PRSS12: variants seen among roughly 807,000 people sequenced by gnomAD.
PRSS12 encodes neurotrypsin.
A neutral mutation model predicts 104.4 loss-of-function variants in PRSS12; 85 were observed. That is an observed-to-expected ratio of 0.81 (90% confidence interval 0.68 to 0.98). PRSS12 has a LOEUF of 0.98. Among genes scored for constraint, PRSS12 ranks in the 50% least tolerant of loss-of-function variants. The pLI is 0.00. For synonymous variants in PRSS12, 454 were observed against 425.2 expected, an observed-to-expected ratio of 1.07 and a Z score of -0.83; for missense variants, 1,141 against 1,139.2, an observed-to-expected ratio of 1.00 and a Z score of -0.02.
chr4:118,286,211 A>T (rs758493357), intron 11 of PRSS12, among the ~76,000 whole-genome samples: 4 of 152,102 alleles, frequency 2.6e-5, no homozygotes, highest in Non-Finnish European at 4.4e-5. Flanking sequence ...GTACCCTTCA[A>T]GGGATCCCCA....
In PRSS12 at chr4:118,318,608, C is replaced by T. The variant is rs1033840034; in HGVS notation, c.972-52G>A. 14 of 1,553,544 alleles carry T rather than the reference C, an allele frequency of 9.0e-6. No homozygotes were observed. The African/African-American group carries it at 1.9e-4, about 21-fold the overall frequency. ...TCTGGATTAGATACCAAAGATTGGT[C>T]TTTTATTTTTTTTTTGTCCCTAGTA... On this transcript the variant is annotated intron_variant, in intron 4 of 12. Transcript: ENST00000296498.
At chr4:118,313,536 C>A (rs1233254055) in intron 6 of PRSS12, 139 bp from the exon 7 acceptor site, 2 of 924,112 alleles carry the variant, frequency 2.2e-6, no homozygotes, top group Non-Finnish European at 1.7e-6. Flanking sequence ...ACCTTGGGGA[C>A]GCAGTTTAGA....
intron 7 of PRSS12, among the ~76,000 whole-genome samples, chr4:118,309,672 TC>T (rs1480381023): frequency 1.3e-5 from 2 of 152,170 alleles, no homozygotes; most frequent in African/African-American, 4.8e-5. Flanking sequence ...TAGAAGGGTC[TC>T]CAGCTTCAGG....
At chr4:118,284,783 T>C (rs1481126807) in intron 11 of PRSS12, among the ~76,000 whole-genome samples, 1 of 152,204 alleles carries the variant, frequency 6.6e-6, no homozygotes, top group Non-Finnish European at 1.5e-5. Context: ...ACTCCAGCCC[T>C]GGTTTCATCA....
chr4:118,325,047 A>C (rs1723734627), intron 4 of PRSS12, among the ~76,000 whole-genome samples: 1 of 152,096 alleles, frequency 6.6e-6, no homozygotes, highest in East Asian at 1.9e-4. Context: ...TATGGTATAC[A>C]CATGCCAATA....
At chr4:118,337,971 G>C (rs1298934313) in intron 2 of PRSS12, among the ~76,000 whole-genome samples, 1 of 152,176 alleles carries the variant, frequency 6.6e-6, no homozygotes, top group African/African-American at 2.4e-5. Context: ...GTTCAGCCCA[G>C]ATAGTAATAT....
rs926088699 is a variant in PRSS12, at chr4:118,335,735, A to G, written c.642-84T>C. 5 of 1,247,696 alleles carry G rather than the reference A, an allele frequency of 4.0e-6. No individual in the cohort carries two copies. In the African/African-American group the frequency reaches 4.4e-5, roughly 11 times the overall value. 77.3% of individuals were successfully genotyped at this position (1,247,696 alleles called of 1,614,324 possible). A position where few individuals can be genotyped will look rare whatever the true frequency, so the allele number is the denominator to read the frequency against. ...ACATTTGGATTTGAAAAAAAATGGA[A>G]GAAATCAACAAAGATGAATATGGAA... On this transcript the variant is annotated intron_variant, in intron 2 of 12. Transcript: ENST00000296498.
chr4:118,313,719 T>C (rs370884964), intron 6 of PRSS12, among the ~76,000 whole-genome samples: 1 of 152,148 alleles, frequency 6.6e-6, no homozygotes, highest in East Asian at 1.9e-4. Context: ...ACCATAGAAA[T>C]TGTGACCAGA....
At chr4:118,319,903 T>C (rs1260485665) in intron 4 of PRSS12, among the ~76,000 whole-genome samples, 1 of 152,162 alleles carries the variant, frequency 6.6e-6, no homozygotes, top group Non-Finnish European at 1.5e-5. Context: ...CTTGAACTCC[T>C]GCACTCAAGC....
intron 4 of PRSS12, among the ~76,000 whole-genome samples, chr4:118,320,151 CT>C (rs1047533011): frequency 6.6e-6 from 1 of 152,118 alleles, no homozygotes; most frequent in Admixed American, 6.5e-5. Context: ...CCCTTTTAGG[CT>C]TTTAATTTTT....
At position 118,331,869 on chromosome 4, in the gene PRSS12, G is replaced by C; in HGVS notation, c.821-3C>G. 2 of 1,613,900 alleles carry C rather than the reference G, an allele frequency of 1.2e-6. No individual in the cohort carries two copies. The highest frequency in any genetic ancestry group is 1.7e-6 in the Non-Finnish European group (2 of 1,180,022). The stretch of plus-strand genomic sequence containing the variant: ...GCGAATGATGGGGAACGTTGGGCCT[G>C]TGCAATGTGAAGTTAAAAATAAGCA... On this transcript the variant is annotated splice_polypyrimidine_tract_variant and splice_region_variant and intron_variant, in intron 3 of 12. Coordinates refer to ENST00000296498, the MANE Select transcript of PRSS12 (RefSeq NM_003619.4).
chr4:118,341,773 C>T, intron 1 of PRSS12, among the ~76,000 whole-genome samples: 1 of 152,178 alleles, frequency 6.6e-6, no homozygotes, highest in East Asian at 1.9e-4. Flanking sequence ...AGCAACTGAG[C>T]AGTTACAGAG....
At chr4:118,299,026 AT>A in intron 8 of PRSS12, 88 bp from the exon 9 acceptor site, 2 of 1,391,622 alleles carry the variant, frequency 1.4e-6, no homozygotes, top group Non-Finnish European at 2.0e-6. Context: ...TTATTCCTTA[AT>A]TTTTACATAT....
intron 1 of PRSS12, among the ~76,000 whole-genome samples, chr4:118,344,184 G>C (rs528247281): frequency 1.3e-5 from 2 of 151,936 alleles, no homozygotes; most frequent in African/African-American, 4.8e-5. Context: ...ATTACATGTT[G>C]AACAATTTAG....
chr4:118,315,113 T>C (rs1304584823), intron 6 of PRSS12, among the ~76,000 whole-genome samples: 1 of 152,108 alleles, frequency 6.6e-6, no homozygotes, highest in East Asian at 1.9e-4. Flanking sequence ...CATGATAGCA[T>C]TACTTATCAC....
intron 12 of PRSS12, among the ~76,000 whole-genome samples, chr4:118,282,493 A>T (rs1742907537): frequency 6.6e-6 from 1 of 152,232 alleles, no homozygotes; most frequent in African/African-American, 2.4e-5. Context: ...GGATTTGTAG[A>T]GTAAGGTGAC....
At chr4:118,340,591 A>G (rs547991550) in intron 1 of PRSS12, among the ~76,000 whole-genome samples, 1 of 152,342 alleles carries the variant, frequency 6.6e-6, no homozygotes. Flanking sequence ...TAAAAACAGC[A>G]TTCAAATATG....
intron 2 of PRSS12, among the ~76,000 whole-genome samples, 184 bp from the exon 3 acceptor site, chr4:118,335,835 G>A (rs559687348): frequency 3.3e-5 from 5 of 152,260 alleles, no homozygotes; most frequent in Admixed American, 2.6e-4. Flanking sequence ...AGATCACAAC[G>A]TGGTTTGCCT....
intron 8 of PRSS12, among the ~76,000 whole-genome samples, chr4:118,300,327 T>A (rs1222211059): frequency 1.3e-5 from 2 of 151,980 alleles, no homozygotes; most frequent in Admixed American, 1.3e-4. Flanking sequence ...AGTACAATTT[T>A]TAACGGAGAC....
Sources: gnomAD v4.1 joint callset for allele counts (sites outside exome capture counted in the v4.1 genomes callset) on GRCh38, gnomAD v4.1.1 for gene constraint, MANE v1.5 for transcripts, NCBI Gene and HGNC (gene_info 2026-07-23, HGNC 2026-07-21) for gene names.